Variants in CSMD3 observed in about 807,000 individuals in gnomAD.
CSMD3 encodes the protein CUB and sushi domain-containing protein 3.
A neutral mutation model predicts 435.2 loss-of-function variants in CSMD3; 177 were observed. The observed-to-expected ratio is 0.41, with a 90% CI of 0.36 to 0.46. The LOEUF is 0.46. CSMD3 is among the 20% of genes least tolerant of loss of function. The pLI, the probability that CSMD3 is intolerant of heterozygous loss-of-function variation, is 0.34. For synonymous variants in CSMD3, 1,656 were observed against 1,520.5 expected, an observed-to-expected ratio of 1.09 and a Z score of -2.07; for missense variants, 4,265 against 4,504.6, an observed-to-expected ratio of 0.95 and a Z score of 1.52.
intron 7 of CSMD3, among the ~76,000 whole-genome samples, chr8:112,975,449 C>G (rs2084810506): frequency 6.6e-6 from 1 of 152,028 alleles, no homozygotes; most frequent in Non-Finnish European, 1.5e-5. Context: ...TGGGATAAAT[C>G]ATCTATGTGT....
intron 22 of CSMD3, among the ~76,000 whole-genome samples, chr8:112,634,800 A>T (rs1353823780): frequency 1.1e-4 from 17 of 151,792 alleles, no homozygotes; most frequent in Admixed American, 1.1e-3. Context: ...TTACTCTGAG[A>T]GAAAATGTTA....
At chr8:112,587,365 G>A in intron 22 of CSMD3, 130 bp from the exon 23 acceptor site, 1 of 675,398 alleles carries the variant, frequency 1.5e-6, no homozygotes, top group Non-Finnish European at 2.6e-6. Flanking sequence ...ATACAGAATG[G>A]CTTTATGTTG....
At chr8:112,797,189 A>C (rs965518454) in intron 13 of CSMD3, among the ~76,000 whole-genome samples, 2 of 151,918 alleles carry the variant, frequency 1.3e-5, no homozygotes, top group African/African-American at 4.8e-5. Context: ...TTCCTCTCTC[A>C]ATAGTACAGT....
In CSMD3 at chr8:112,708,895, C is replaced by T. The variant is rs182384590; in HGVS notation, c.1973-18845G>A. Among the ~76,000 whole-genome samples the T allele has an allele frequency of 1.2e-3, 177 of 152,094 alleles. 2 individuals carry two copies. Among genetic ancestry groups the T allele is most frequent in the African/African-American group, 4.0e-3 (166 of 41,502 alleles). Reference sequence around the variant, plus strand: ...TGTGCTGCTCACACTAACGTGGTAGCTAGCTTATCTTCAGCTTCCCCATAC... The same window carrying T: ...TGTGCTGCTCACACTAACGTGGTAGTTAGCTTATCTTCAGCTTCCCCATAC... On this transcript the variant is annotated intron_variant, in intron 13 of 70. Coordinates refer to ENST00000297405, the MANE Select transcript of CSMD3 (RefSeq NM_198123.2).
intron 32 of CSMD3, among the ~76,000 whole-genome samples, chr8:112,471,172 A>G (rs140498230): frequency 0.019 from 2,862 of 152,202 alleles, 89 homozygotes; most frequent in African/African-American, 0.063. Flanking sequence ...CCTCTTTCTC[A>G]TTCATTTGGC....
In CSMD3 at chr8:113,138,232, A is replaced by G. The variant is rs574083946; in HGVS notation, c.709+35490T>C. Among the ~76,000 whole-genome samples, 6 of 151,554 alleles carry G rather than the reference A, an allele frequency of 4.0e-5. No homozygotes were observed. The East Asian group carries it at 1.2e-3, about 29-fold the overall frequency. ...TAGACTGTCTTGAAGTATGTCATCC[A>G]TAATTGTGGACATGTATAGTTTTAG... is the stretch of plus-strand genomic sequence containing the variant. On this transcript the variant is annotated intron_variant, in intron 4 of 70. Transcript: ENST00000297405.
chr8:113,083,193 A>G (rs2089632694), intron 5 of CSMD3, among the ~76,000 whole-genome samples: 2 of 152,130 alleles, frequency 1.3e-5, no homozygotes, highest in South Asian at 4.1e-4. Flanking sequence ...AAGGCACACT[A>G]TATTGAAACT....
chr8:112,382,998 A>C (rs1025803091), intron 37 of CSMD3, among the ~76,000 whole-genome samples: 3 of 152,226 alleles, frequency 2.0e-5, no homozygotes, highest in African/African-American at 7.2e-5. Context: ...CTCAAAAAAT[A>C]AAAACCTTAA....
intron 5 of CSMD3, among the ~76,000 whole-genome samples, chr8:113,037,706 A>G (rs573946240): frequency 1.3e-5 from 2 of 152,046 alleles, no homozygotes; most frequent in Admixed American, 6.6e-5. Context: ...TATCTATCAA[A>G]CCCCAAACTC....
intron 41 of CSMD3, among the ~76,000 whole-genome samples, chr8:112,342,859 C>T (rs529972470): frequency 5.4e-4 from 81 of 150,986 alleles, no homozygotes; most frequent in African/African-American, 1.9e-3. Context: ...ATGTGAAGAC[C>T]GAAGATATGC....
chr8:113,124,308 A>T (rs2091065223), intron 4 of CSMD3, among the ~76,000 whole-genome samples: 1 of 151,980 alleles, frequency 6.6e-6, no homozygotes, highest in Non-Finnish European at 1.5e-5. Flanking sequence ...AATAAACATG[A>T]TCAGTTTACA....
At chr8:112,275,296 C>G (rs1452869353) in intron 59 of CSMD3, among the ~76,000 whole-genome samples, 1 of 152,032 alleles carries the variant, frequency 6.6e-6, no homozygotes, top group Admixed American at 6.6e-5. Context: ...GCCTGTAACC[C>G]CAGCACTTTG....
chr8:113,376,705 C>T, intron 1 of CSMD3: 2 of 1,613,238 alleles, frequency 1.2e-6, no homozygotes, highest in South Asian at 1.1e-5. Context: ...CCGAAAGGTT[C>T]GGCGCAAGGA....
chr8:113,240,562 T>C (rs1370097682), intron 3 of CSMD3, among the ~76,000 whole-genome samples: 7 of 152,196 alleles, frequency 4.6e-5, no homozygotes. Context: ...TCTAAGTTTC[T>C]GCATCAGTAA....
intron 1 of CSMD3, among the ~76,000 whole-genome samples, chr8:113,435,191 T>C (rs2094698299): frequency 6.6e-6 from 1 of 152,114 alleles, no homozygotes; most frequent in Non-Finnish European, 1.5e-5. Flanking sequence ...TTGTGCCACT[T>C]AGGACAAGCT....
chr8:112,291,475 A>T (rs1313597030), intron 56 of CSMD3, 35 bp downstream of exon 56: 1 of 1,387,236 alleles, frequency 7.2e-7, no homozygotes, highest in Non-Finnish European at 1.0e-6. Context: ...TTTCCATGAC[A>T]TGTTCTCAAG....
At chr8:113,417,655 T>C (rs2094588122) in intron 1 of CSMD3, among the ~76,000 whole-genome samples, 1 of 152,028 alleles carries the variant, frequency 6.6e-6, no homozygotes, top group South Asian at 2.1e-4. Context: ...CACTATAGGC[T>C]GTCTTATTTT....
intron 1 of CSMD3, among the ~76,000 whole-genome samples, chr8:113,361,183 CT>C (rs1013132360): frequency 5.9e-5 from 9 of 152,092 alleles, no homozygotes; most frequent in South Asian, 2.1e-4. Context: ...TCCCCTCCCC[CT>C]AATAGTTAAT....
chr8:113,317,898 T>G (rs1346993974), intron 1 of CSMD3, among the ~76,000 whole-genome samples: 1 of 152,184 alleles, frequency 6.6e-6, no homozygotes, highest in African/African-American at 2.4e-5. Context: ...AGATGTAGAC[T>G]TCTACTACAT....
Sources: gnomAD v4.1 joint callset for allele counts (sites outside exome capture counted in the v4.1 genomes callset) on GRCh38, gnomAD v4.1.1 for gene constraint, MANE v1.5 for transcripts, NCBI Gene and HGNC (gene_info 2026-07-23, HGNC 2026-07-21) for gene names.